Variants in CCDC60 observed in about 807,000 individuals in gnomAD.
CCDC60 encodes coiled-coil domain-containing protein 60.
CCDC60 carries 54 observed loss-of-function variants against 63.5 expected under a neutral mutation model. That is an observed-to-expected ratio of 0.85 (90% CI 0.68 to 1.07). The LOEUF (loss-of-function observed/expected upper bound fraction) is 1.07. Ranked by LOEUF, CCDC60 falls within the 50% of genes least tolerant of loss-of-function variation. The pLI is 0.00. For synonymous variants in CCDC60, 206 were observed against 238.8 expected (o/e 0.86, Z 1.27); for missense variants, 651 against 684.3 (o/e 0.95, Z 0.54).
intron 2 of CCDC60, among the ~76,000 whole-genome samples, chr12:119,450,728 C>T (rs1275954040): frequency 3.3e-5 from 5 of 152,002 alleles, no homozygotes; most frequent in African/African-American, 1.2e-4. Flanking sequence ...TTTGGTGGTG[C>T]GTGCCTGTAG....
At chr12:119,508,530 G>C (rs1266770512) in intron 7 of CCDC60, among the ~76,000 whole-genome samples, 1 of 152,090 alleles carries the variant, frequency 6.6e-6, no homozygotes, top group East Asian at 1.9e-4. Flanking sequence ...TATAGTATGA[G>C]CTGGGAAGAG....
chr12:119,360,144 C>T (rs1306224124), intron 1 of CCDC60, among the ~76,000 whole-genome samples: 10 of 149,654 alleles, frequency 6.7e-5, no homozygotes, highest in East Asian at 2.1e-4. Context: ...CCGGACGGGG[C>T]GGCTGGCCGG....
chr12:119,459,335 T>C (rs1950812167), intron 2 of CCDC60, among the ~76,000 whole-genome samples: 1 of 152,202 alleles, frequency 6.6e-6, no homozygotes. Context: ...AAACTGCCTT[T>C]GCAAAAATTA....
chr12:119,428,338 A>G (rs746302300), intron 1 of CCDC60, among the ~76,000 whole-genome samples: 4 of 152,210 alleles, frequency 2.6e-5, no homozygotes, highest in Non-Finnish European at 5.9e-5. Flanking sequence ...GGAATTTAGC[A>G]ATTAATTTAA....
At chr12:119,466,942 A>G (rs2136316861) in intron 2 of CCDC60, among the ~76,000 whole-genome samples, 1 of 152,338 alleles carries the variant, frequency 6.6e-6, no homozygotes, top group East Asian at 1.9e-4. Flanking sequence ...CCATCAGTTT[A>G]CCATTGCCAT....
chr12:119,342,298 C>A (rs1489061431), intron 1 of CCDC60, among the ~76,000 whole-genome samples: 1 of 152,158 alleles, frequency 6.6e-6, no homozygotes, highest in Non-Finnish European at 1.5e-5. Flanking sequence ...TTTCCAAGAA[C>A]CTTCCTGACC....
intron 1 of CCDC60, among the ~76,000 whole-genome samples, chr12:119,353,598 C>CTTTTTTTTTTTTTTTTTT (rs71072514): frequency 2.9e-5 from 2 of 68,202 alleles, no homozygotes; most frequent in African/African-American, 5.7e-5. Flanking sequence ...TCTTCTTCTT[C>CTTTTTTTTTTTTTTTTTT]TTTTTTTTTT....
intron 1 of CCDC60, among the ~76,000 whole-genome samples, chr12:119,400,678 T>A (rs1207806740): frequency 6.6e-6 from 1 of 152,246 alleles, no homozygotes; most frequent in African/African-American, 2.4e-5. Flanking sequence ...AGGTTCTGGT[T>A]CACCTGGTCA....
At chr12:119,503,922 T>C (rs1263727230) in intron 6 of CCDC60, among the ~76,000 whole-genome samples, 1 of 152,164 alleles carries the variant, frequency 6.6e-6, no homozygotes, top group Non-Finnish European at 1.5e-5. Context: ...AAAACACCAG[T>C]CTATCCATCA....
At chr12:119,385,194 C>T in intron 1 of CCDC60, among the ~76,000 whole-genome samples, 1 of 152,186 alleles carries the variant, frequency 6.6e-6, no homozygotes, top group Non-Finnish European at 1.5e-5. Flanking sequence ...AACCACTTGC[C>T]ACCCTTCTCC....
chr12:119,511,031 G>A (rs937244503), intron 7 of CCDC60, among the ~76,000 whole-genome samples: 1 of 152,138 alleles, frequency 6.6e-6, no homozygotes, highest in Non-Finnish European at 1.5e-5. Flanking sequence ...CCCCACAAGT[G>A]TGCAACAGTA....
At chr12:119,462,167 C>G (rs1262316009) in intron 2 of CCDC60, among the ~76,000 whole-genome samples, 9 of 152,198 alleles carry the variant, frequency 5.9e-5, no homozygotes, top group Non-Finnish European at 1.2e-4. Context: ...TGCCCTGTCT[C>G]TTTCTGTGGA....
intron 1 of CCDC60, among the ~76,000 whole-genome samples, chr12:119,347,781 C>T (rs1955612586): frequency 6.6e-6 from 1 of 152,142 alleles, no homozygotes; most frequent in Non-Finnish European, 1.5e-5. Context: ...TCCTCTCCTC[C>T]ATGCAAAAAT....
At chr12:119,505,387 C>T in intron 7 of CCDC60, 84 bp downstream of exon 7, 1 of 835,940 alleles carries the variant, frequency 1.2e-6, no homozygotes, top group Non-Finnish European at 1.9e-6. Flanking sequence ...GCCTCAAGTC[C>T]ACCTCCACTC....
At chr12:119,380,282 C>T (rs1211422412) in intron 1 of CCDC60, among the ~76,000 whole-genome samples, 1 of 152,222 alleles carries the variant, frequency 6.6e-6, no homozygotes, top group East Asian at 1.9e-4. Context: ...CTCCTTCCAA[C>T]TCTTGGTCGG....
intron 1 of CCDC60, among the ~76,000 whole-genome samples, chr12:119,387,025 CTG>C (rs1178632820): frequency 6.7e-5 from 7 of 104,694 alleles, no homozygotes; most frequent in Admixed American, 2.1e-4. Flanking sequence ...CCCTCCCCCT[CTG>C]TCTCTCTCAC....
In CCDC60 at chr12:119,373,173, C is replaced by G. The variant is rs192365312; in HGVS notation, c.90+37907C>G. Among the ~76,000 whole-genome samples the G allele has an allele frequency of 9.8e-4, 149 of 152,294 alleles. 1 individual carries two copies. The highest frequency in any genetic ancestry group is 3.4e-3 in the African/African-American group (141 of 41,568). ...GTCAAGCTGACTGACCTGGATCTAACCCTGGAGCAACTTCAACTTCCTGAT... is the reference window on the plus strand; with the variant it reads ...GTCAAGCTGACTGACCTGGATCTAAGCCTGGAGCAACTTCAACTTCCTGAT... On this transcript the variant is annotated intron_variant, in intron 1 of 13. Coordinates refer to ENST00000327554, the MANE Select transcript of CCDC60 (RefSeq NM_178499.5).
At chr12:119,396,994 C>T (rs1262141413) in intron 1 of CCDC60, among the ~76,000 whole-genome samples, 2 of 152,174 alleles carry the variant, frequency 1.3e-5, no homozygotes, top group Non-Finnish European at 2.9e-5. Context: ...CTAGTGGGTT[C>T]GTGGTCTCGC....
At chr12:119,362,320 C>A (rs540191662) in intron 1 of CCDC60, among the ~76,000 whole-genome samples, 45 of 152,188 alleles carry the variant, frequency 3.0e-4, no homozygotes, top group African/African-American at 1.0e-3. Flanking sequence ...TATCTATATA[C>A]CTGTTAACCA....
Sources: gnomAD v4.1 joint callset for allele counts (sites outside exome capture counted in the v4.1 genomes callset) on GRCh38, gnomAD v4.1.1 for gene constraint, MANE v1.5 for transcripts, NCBI Gene and HGNC (gene_info 2026-07-23, HGNC 2026-07-21) for gene names.